CENPT: variants seen among roughly 807,000 people sequenced by gnomAD.
The protein encoded by CENPT is centromere protein T.
In CENPT, 42 loss-of-function variants were observed where a neutral mutation model predicts 59.7. The observed-to-expected ratio is 0.70, with a 90% confidence interval of 0.55 to 0.91. CENPT has a LOEUF of 0.91. CENPT is among the 40% of genes least tolerant of loss of function. CENPT has a pLI of 0.00. For missense variants in CENPT, 716 were observed against 713.4 expected (o/e 1.00, Z -0.04); for synonymous variants, 295 against 289.6 (o/e 1.02, Z -0.19).
intron 8 of CENPT, 53 bp downstream of exon 8, chr16:67,831,701 C>A: frequency 6.2e-7 from 1 of 1,600,912 alleles, no homozygotes; most frequent in South Asian, 1.1e-5. Context: ...ACTCCTCAGC[C>A]TCTCCAGAGG....
chr16:67,836,006 GT>G (rs1463280620), intron 1 of CENPT, among the ~76,000 whole-genome samples: 8 of 151,828 alleles, frequency 5.3e-5, no homozygotes, highest in African/African-American at 1.9e-4. Flanking sequence ...GCCTCCCAAA[GT>G]GCTGGGATTA....
chr16:67,842,524 GGTGGGCCGGGCCGGGC>G lies in CENPT; in HGVS notation c.-492+4861_-492+4876del. 1 of 1,473,778 alleles carries G rather than the reference GGTGGGCCGGGCCGGGC, an allele frequency of 6.8e-7. No individual in the cohort carries two copies. The highest frequency in any genetic ancestry group is 9.0e-7 in the Non-Finnish European group (1 of 1,111,766). 91.3% of individuals were successfully genotyped at this position (1,473,778 alleles called of 1,614,324 possible). A position where few individuals can be genotyped will look rare whatever the true frequency, so the allele number is the denominator to read the frequency against. On this transcript the variant is annotated intron_variant, in intron 1 of 15. Transcript: ENST00000562787. The surrounding 1 kb of genome is among the most constrained non-coding windows in gnomAD (Gnocchi z 4.9). ...GGGCCGTCGAAGAGCGCAGGAGGCC[GGTGGGCCGGGCCGGGC>G]CGCGCGGCGCAGCCATGCCTGGCTT... is the stretch of plus-strand genomic sequence containing the variant.
intron 4 of CENPT, 89 bp from the exon 5 acceptor site, chr16:67,832,634 G>A: frequency 1.6e-6 from 2 of 1,229,408 alleles, no homozygotes; most frequent in Non-Finnish European, 2.3e-6. Context: ...TCTTGGTCTG[G>A]AGCCGTTTTC....
intron 13 of CENPT, 77 bp downstream of exon 13, chr16:67,829,346 G>C (rs1846440664): frequency 8.5e-7 from 1 of 1,173,806 alleles, no homozygotes; most frequent in Non-Finnish European, 1.2e-6. Flanking sequence ...GTAGGAAGGG[G>C]GAGGACCCTA....
At position 67,833,903 on chromosome 16, in the gene CENPT, C is replaced by A. The variant is rs1255709911; in HGVS notation, c.-44G>T. On this transcript the variant is annotated 5_prime_UTR_variant, in exon 4 of 16. Transcript: ENST00000562787. ...TCCTAACCGCCCAGCCAGCTGCAGG[C>A]TCCGCCTTCCCGCCGCCACAGTTAA... 9 of 1,276,720 alleles carry A rather than the reference C, an allele frequency of 7.0e-6. No individual in the cohort carries two copies. The highest frequency in any genetic ancestry group is 5.9e-5 in the East Asian group (2 of 33,614). The allele number at this position is 1,276,720 out of a possible 1,614,324, so 79.1% of individuals were successfully genotyped here.
At chr16:67,838,908 C>T (rs2151288039) in intron 1 of CENPT, among the ~76,000 whole-genome samples, 1 of 142,514 alleles carries the variant, frequency 7.0e-6, no homozygotes, top group Non-Finnish European at 1.5e-5. Context: ...GCCCTGGCCA[C>T]AGTGTGAGTG....
chr16:67,836,212 C>G (rs2057734099), intron 1 of CENPT, among the ~76,000 whole-genome samples: 1 of 150,710 alleles, frequency 6.6e-6, no homozygotes, highest in Non-Finnish European at 1.5e-5. Context: ...AGGTGCCCAC[C>G]ACCACACCTG....
Position 67,833,845 on chromosome 16 carries a change from G to T in CENPT, c.15C>A (p.Asn5Lys). 6.4e-7 allele frequency: 1 copy of T among 1,560,774 alleles called. No homozygotes were observed. The highest frequency in any genetic ancestry group is 8.6e-7 in the Non-Finnish European group (1 of 1,156,122). MADHNPDSDSTPRTL... is the reference protein window; with the variant it reads MADHKPDSDSTPRTL... Reference sequence around the variant, plus strand: ...TGCGCGGCGTGGAGTCGCTGTCAGGGTTGTGGTCAGCCATCGTCTCGGCCC... The same window carrying T: ...TGCGCGGCGTGGAGTCGCTGTCAGGTTTGTGGTCAGCCATCGTCTCGGCCC... Residue 5 changes from asparagine (N) to lysine (K), a missense_variant, in exon 4 of 16, where the codon AAC becomes AAA. Physicochemically the swap from Asn to Lys is moderately conservative, Grantham distance 94. Transcript: ENST00000562787.
intron 1 of CENPT, among the ~76,000 whole-genome samples, chr16:67,846,491 G>C (rs975090698): frequency 5.3e-5 from 8 of 152,264 alleles, no homozygotes; most frequent in East Asian, 1.9e-4. Flanking sequence ...GAGTAACAGC[G>C]GCAGCCATAG....
chr16:67,833,918 G>A lies in CENPT; in HGVS notation c.-59C>T, dbSNP rs2057718698. 2.6e-6 allele frequency: 3 copies of A among 1,145,614 alleles called. No homozygotes were observed. The highest frequency in any genetic ancestry group is 3.1e-5 in the East Asian group (1 of 32,494). 71.0% of individuals were successfully genotyped at this position (1,145,614 alleles called of 1,614,324 possible). A position where few individuals can be genotyped will look rare whatever the true frequency, so the allele number is the denominator to read the frequency against. On this transcript the variant is annotated 5_prime_UTR_variant, in exon 4 of 16. Coordinates refer to ENST00000562787, the MANE Select transcript of CENPT (RefSeq NM_025082.4). ...CAGCTGCAGGCTCCGCCTTCCCGCC[G>A]CCACAGTTAATGTAACTCTCGCGAT...
At chr16:67,835,151 T>G (rs1178108806) in intron 3 of CENPT, 21 bp downstream of exon 3, 1 of 152,186 alleles carries the variant, frequency 6.6e-6, no homozygotes, top group Non-Finnish European at 1.5e-5. Context: ...ATTAAAAATT[T>G]TTAATGCTAG....
intron 10 of CENPT, 96 bp from the exon 11 acceptor site, chr16:67,830,644 G>A: frequency 7.5e-7 from 1 of 1,326,624 alleles, no homozygotes; most frequent in Non-Finnish European, 1.1e-6. Flanking sequence ...CTGCTACTCA[G>A]CGTTGCCAGG....
At position 67,831,874 on chromosome 16, in the gene CENPT, G is replaced by C. The variant is rs754540431; in HGVS notation, c.403C>G (p.Pro135Ala). The change falls in exon 8 of 16, where the codon CCT (proline) becomes GCT (alanine). Residue 135 changes from proline to alanine, a missense_variant. Coordinates refer to ENST00000562787, the MANE Select transcript of CENPT (RefSeq NM_025082.4). ...SSCGSLELQL[P>A]ELEPPTTLAP... ...AGGGTTGTGGGGGGCTCGAGCTCAG[G>C]AAGTTGCAGCTCCAGGCTATAAGAA... is the stretch of plus-strand genomic sequence containing the variant. The C allele has an allele frequency of 3.7e-6, 6 of 1,611,806 alleles. No homozygotes were observed. The Admixed American group carries it at 8.4e-5, about 23-fold the overall frequency.
At chr16:67,846,353 G>A (rs1042427570) in intron 1 of CENPT, among the ~76,000 whole-genome samples, 2 of 152,246 alleles carry the variant, frequency 1.3e-5, no homozygotes, top group African/African-American at 4.8e-5. Flanking sequence ...TGAGTCTCCG[G>A]CCCAAGAATA....
In CENPT at chr16:67,843,310, C is replaced by G; in HGVS notation, c.-492+4091G>C. On this transcript the variant is annotated intron_variant, in intron 1 of 15. Coordinates refer to ENST00000562787, the MANE Select transcript of CENPT (RefSeq NM_025082.4). This position sits in a 1 kb window ranked among gnomAD's most constrained non-coding sequence, Gnocchi z 5.7. The stretch of plus-strand genomic sequence containing the variant: ...ATTCGTACTCCTTGTCGTCAGGCAC[C>G]ACGGAGGAGGAGCTCCTGCGCAAGC... 1 of 1,613,924 alleles carries G rather than the reference C, an allele frequency of 6.2e-7. No individual in the cohort carries two copies. The highest frequency in any genetic ancestry group is 8.5e-7 in the Non-Finnish European group (1 of 1,180,032).
At position 67,843,208 on chromosome 16, in the gene CENPT, G is replaced by A. The variant is rs760786085; in HGVS notation, c.-492+4193C>T. ...AGTTACAGGCTGCTACCGCAGGGCT[G>A]GAGGCTGCCGAGTGCCCTATGGGCC... On this transcript the variant is annotated intron_variant, in intron 1 of 15. Transcript: ENST00000562787. This position sits in a 1 kb window ranked among gnomAD's most constrained non-coding sequence, Gnocchi z 5.7. 6.2e-7 allele frequency: 1 copy of A among 1,611,720 alleles called. No homozygotes were observed. The highest frequency in any genetic ancestry group is 1.1e-5 in the South Asian group (1 of 91,076).
rs775380845 is a variant in CENPT, at chr16:67,831,861, G to T, written c.416C>A (p.Pro139His). 6.2e-6 allele frequency: 10 copies of T among 1,611,716 alleles called. No homozygotes were observed. The highest frequency in any genetic ancestry group is 3.4e-5 in the Admixed American group (2 of 59,486). Residue 139 changes from proline to histidine, a missense_variant, in exon 8 of 16, where the codon CCC becomes CAC. Pro to His is a moderately conservative substitution (Grantham distance 77). Transcript: ENST00000562787. ...CAGACCTGGAGCCAGGGTTGTGGGG[G>T]GCTCGAGCTCAGGAAGTTGCAGCTC... ...SLELQLPELEPPTTLAPGLLA... is the reference protein window; with the variant it reads ...SLELQLPELEHPTTLAPGLLA...
At position 67,828,860 on chromosome 16, in the gene CENPT, A is replaced by G; in HGVS notation, c.1281-17T>C. 1 of 1,566,606 alleles carries G rather than the reference A, an allele frequency of 6.4e-7. No individual in the cohort carries two copies. The highest frequency in any genetic ancestry group is 8.6e-7 in the Non-Finnish European group (1 of 1,163,866). On this transcript the variant is annotated splice_polypyrimidine_tract_variant and intron_variant, in intron 13 of 15. Coordinates refer to ENST00000562787, the MANE Select transcript of CENPT (RefSeq NM_025082.4). ...GAAGATAAGCTGAGGGCAACAGTGG[A>G]CAGAGGGGGCTGAACTTGCCTCAAG...
intron 11 of CENPT, 26 bp downstream of exon 11, chr16:67,830,364 C>A: frequency 6.3e-7 from 1 of 1,584,382 alleles, no homozygotes; most frequent in Non-Finnish European, 8.6e-7. Flanking sequence ...AAATTTGGCT[C>A]CAGGCCACCA....
Sources: allele counts gnomAD v4.1 joint callset (sites outside exome capture counted in the v4.1 genomes callset), GRCh38; gene constraint gnomAD v4.1.1; non-coding constraint Gnocchi (gnomAD v3.1); transcripts MANE v1.5; gene names NCBI Gene and HGNC (gene_info 2026-07-23, HGNC 2026-07-21).